TEKT1: variants seen among roughly 807,000 people sequenced by gnomAD.
The protein encoded by TEKT1 is tektin-1.
A neutral mutation model predicts 34.8 loss-of-function variants in TEKT1; 32 were observed. The ratio of observed to expected loss-of-function variants is 0.92; its 90% confidence interval spans 0.69 to 1.23. TEKT1 has a LOEUF of 1.23. Among genes scored for constraint, TEKT1 ranks in the 50% most tolerant of loss-of-function variants. The pLI is 0.00. For synonymous variants in TEKT1, 207 were observed against 199.8 expected (o/e 1.04, Z -0.30); for missense variants, 492 against 518.5 (o/e 0.95, Z 0.50).
chr17:6,811,686 G>C lies in TEKT1; in HGVS notation c.852+1145C>G, dbSNP rs1293265393. Among the ~76,000 whole-genome samples, 2 of 152,120 alleles carry C rather than the reference G, an allele frequency of 1.3e-5. No homozygotes were observed. The highest frequency in any genetic ancestry group is 3.9e-4 in the East Asian group (2 of 5,164). On this transcript the variant is annotated intron_variant, in intron 6 of 7. Transcript: ENST00000338694. The surrounding 1 kb of genome is among the most constrained non-coding windows in gnomAD (Gnocchi z 4.4). ...GGGAGTGTTCAGGATGTGGCAACAG[G>C]ACAGGGATTCAGGGGCTGAGAAGGC...
chr17:6,820,224 C>A (rs1172760193), intron 2 of TEKT1, among the ~76,000 whole-genome samples: 1 of 152,044 alleles, frequency 6.6e-6, no homozygotes, highest in African/African-American at 2.4e-5. Flanking sequence ...CTATCATACA[C>A]TGTAATAAAT....
intron 6 of TEKT1, among the ~76,000 whole-genome samples, chr17:6,802,804 C>A (rs1976793769): frequency 6.6e-6 from 1 of 151,796 alleles, no homozygotes; most frequent in African/African-American, 2.4e-5. Context: ...CCTGCAATGG[C>A]TGCATAGTAT....
rs1976946385 is a variant in TEKT1, at chr17:6,812,815, C to T, written c.852+16G>A. ...CTGAATCTGCTCTTCTTCCATGCTC[C>T]CTCAAGGGACCTCACCTTGGCCAGA... On this transcript the variant is annotated intron_variant, in intron 6 of 7. Transcript: ENST00000338694. 2 of 1,609,974 alleles carry T rather than the reference C, an allele frequency of 1.2e-6. No homozygotes were observed. The highest frequency in any genetic ancestry group is 1.7e-6 in the Non-Finnish European group (2 of 1,177,988).
intron 2 of TEKT1, among the ~76,000 whole-genome samples, chr17:6,828,794 A>C (rs1250685465): frequency 6.6e-6 from 1 of 152,122 alleles, no homozygotes; most frequent in Non-Finnish European, 1.5e-5. Flanking sequence ...TGATTATTTA[A>C]GGATACTATC....
At chr17:6,800,284 T>A in intron 7 of TEKT1, 50 bp from the exon 8 acceptor site, 1 of 1,547,180 alleles carries the variant, frequency 6.5e-7, no homozygotes, top group Non-Finnish European at 8.8e-7. Context: ...TATGCATTGC[T>A]TTTTCAAGGG....
chr17:6,801,981 CT>C (rs565066850), intron 6 of TEKT1, among the ~76,000 whole-genome samples: 1 of 152,198 alleles, frequency 6.6e-6, no homozygotes. Flanking sequence ...ATATTATGTC[CT>C]TTTAGTTAAA....
At chr17:6,813,190 T>C in intron 5 of TEKT1, 137 bp from the exon 6 acceptor site, 1 of 719,102 alleles carries the variant, frequency 1.4e-6, no homozygotes, top group East Asian at 2.7e-5. Flanking sequence ...CAAATAGTGG[T>C]CTGTCAGTAT....
rs548113779 is a variant in TEKT1, at chr17:6,827,609, C to T, written c.190+2578G>A. Among the ~76,000 whole-genome samples, 4 of 152,194 alleles carry T rather than the reference C, an allele frequency of 2.6e-5. No homozygotes were observed. The East Asian group carries it at 5.8e-4, about 22-fold the overall frequency. On this transcript the variant is annotated intron_variant, in intron 2 of 7. Transcript: ENST00000338694. ...TGCATTTCCATATGAATTTTAGAAG[C>T]AGTTTGCCAATTTCACCATAAAACC...
intron 2 of TEKT1, among the ~76,000 whole-genome samples, chr17:6,822,329 GTC>G (rs752397943): frequency 2.0e-5 from 3 of 152,092 alleles, no homozygotes; most frequent in Non-Finnish European, 4.4e-5. Context: ...AGAGGCAAGG[GTC>G]TCTCTGTGTT....
intron 6 of TEKT1, among the ~76,000 whole-genome samples, chr17:6,807,607 C>A (rs922960518): frequency 3.3e-5 from 5 of 151,988 alleles, no homozygotes; most frequent in Non-Finnish European, 5.9e-5. Flanking sequence ...TTTTATCTAC[C>A]TTTGGTCTTT....
At chr17:6,814,855 G>T (rs1286426432) in intron 5 of TEKT1, 19 of 237,050 alleles carry the variant, frequency 8.0e-5, no homozygotes. Context: ...AAAGGGGGGG[G>T]GAAATTCACT....
At chr17:6,805,354 T>C (rs1166845449) in intron 6 of TEKT1, among the ~76,000 whole-genome samples, 1 of 152,204 alleles carries the variant, frequency 6.6e-6, no homozygotes, top group African/African-American at 2.4e-5. Flanking sequence ...TTCTTCTCTC[T>C]TTTCTTCTTT....
In TEKT1 at chr17:6,813,023, G is replaced by A; in HGVS notation, c.660C>T (p.Phe220=). ...CAGCCTTCTCCACATTGGTGCTGGAGAAGTCCAACCAGTCTTCCAGACTCA... is the reference window on the plus strand; with the variant it reads ...CAGCCTTCTCCACATTGGTGCTGGAAAAGTCCAACCAGTCTTCCAGACTCA... ...NSVSLEDWLD[F]SSTNVEKADK... Residue 220 remains phenylalanine, a synonymous_variant, in exon 6 of 8, where the codon TTC becomes TTT. Coordinates refer to ENST00000338694, the MANE Select transcript of TEKT1 (RefSeq NM_053285.2). The A allele has an allele frequency of 1.2e-6, 2 of 1,614,016 alleles. No individual in the cohort carries two copies. Among genetic ancestry groups the A allele is most frequent in the South Asian group, 2.2e-5 (2 of 91,072 alleles).
At chr17:6,819,085 C>A in intron 3 of TEKT1, 108 bp downstream of exon 3, 1 of 1,367,158 alleles carries the variant, frequency 7.3e-7, no homozygotes, top group Non-Finnish European at 1.0e-6. Context: ...TAAAAGAACA[C>A]CTGCTCAAGT....
At chr17:6,816,083 C>G (rs936466876) in intron 3 of TEKT1, 121 bp from the exon 4 acceptor site, 1 of 1,358,984 alleles carries the variant, frequency 7.4e-7, no homozygotes, top group Non-Finnish European at 9.9e-7. Context: ...CCGATCCATC[C>G]GATGACACAG....
Position 6,799,622 on chromosome 17 carries a change from A to T in TEKT1, c.*405T>A, listed in dbSNP as rs1034887201. The T allele has an allele frequency of 6.4e-5, 10 of 156,174 alleles. No homozygotes were observed. The highest frequency in any genetic ancestry group is 3.2e-4 in the Admixed American group (5 of 15,618). 9.7% of individuals were successfully genotyped at this position (156,174 alleles called of 1,614,324 possible). ...GTTATTTGAGTATTTAAGAGAAAAA[A>T]AACACATTATTTTCTAGAGAAAAGA... On this transcript the variant is annotated 3_prime_UTR_variant, in exon 8 of 8. Coordinates refer to ENST00000338694, the MANE Select transcript of TEKT1 (RefSeq NM_053285.2).
intron 2 of TEKT1, among the ~76,000 whole-genome samples, chr17:6,828,193 G>A (rs966750321): frequency 2.2e-4 from 33 of 151,766 alleles, no homozygotes; most frequent in African/African-American, 7.3e-4. Flanking sequence ...ATCCGCCCAC[G>A]TTGGCCTCCC....
intron 3 of TEKT1, among the ~76,000 whole-genome samples, chr17:6,818,948 C>T (rs1977046962): frequency 6.6e-6 from 1 of 152,172 alleles, no homozygotes; most frequent in Admixed American, 6.5e-5. Flanking sequence ...TTTTCTGCTA[C>T]CCACAGCCAA....
intron 2 of TEKT1, among the ~76,000 whole-genome samples, chr17:6,819,887 A>C (rs1597792205): frequency 6.6e-6 from 1 of 152,066 alleles, no homozygotes; most frequent in South Asian, 2.1e-4. Context: ...ACTGGGTTTC[A>C]CCATGTTAGC....
Sources: allele counts gnomAD v4.1 joint callset (sites outside exome capture counted in the v4.1 genomes callset), GRCh38; gene constraint gnomAD v4.1.1; non-coding constraint Gnocchi (gnomAD v3.1); transcripts MANE v1.5; gene names NCBI Gene and HGNC (gene_info 2026-07-23, HGNC 2026-07-21).